RALGPS1: variants seen among roughly 807,000 people sequenced by gnomAD.
RALGPS1 encodes Ral GEF with PH domain and SH3 binding motif 1.
RALGPS1 carries 19 observed loss-of-function variants against 78.8 expected under a neutral mutation model. The ratio of observed to expected loss-of-function variants is 0.24; its 90% confidence interval spans 0.17 to 0.35. RALGPS1 has a LOEUF of 0.35. Ranked by LOEUF, RALGPS1 falls within the 10% of genes least tolerant of loss-of-function variation. RALGPS1 has a pLI of 1.00. For synonymous variants in RALGPS1, 228 were observed against 256.3 expected, an observed-to-expected ratio of 0.89 and a Z score of 1.06; for missense variants, 454 against 688.3, an observed-to-expected ratio of 0.66 and a Z score of 3.81.
At position 127,171,917 on chromosome 9, in the gene RALGPS1, C is replaced by T. The variant is rs1270889650; in HGVS notation, c.843-2798C>T. 2.0e-5 allele frequency among the ~76,000 whole-genome samples: 3 copies of T among 152,178 alleles called. No individual in the cohort carries two copies. In the East Asian group the frequency reaches 5.8e-4, roughly 29 times the overall value. ...TCCCCTTCCTTAACCTCCACTTCAC[C>T]AGCTTCCAACTTTTTGTTAGTTGTG... On this transcript the variant is annotated intron_variant, in intron 10 of 18. Transcript: ENST00000259351.
intron 6 of RALGPS1, among the ~76,000 whole-genome samples, chr9:127,051,322 C>T (rs1169559860): frequency 6.6e-6 from 1 of 152,210 alleles, no homozygotes; most frequent in African/African-American, 2.4e-5. Flanking sequence ...AATGATCCCT[C>T]CTTAATCTCT....
chr9:127,188,832 TAAA>T (rs202172226), intron 11 of RALGPS1, among the ~76,000 whole-genome samples: 15 of 87,464 alleles, frequency 1.7e-4, no homozygotes, highest in South Asian at 5.4e-4. Flanking sequence ...CCATCTCTAC[TAAA>T]AAAAAAAAAA....
intron 8 of RALGPS1, among the ~76,000 whole-genome samples, chr9:127,111,698 A>T (rs2054833548): frequency 6.6e-6 from 1 of 152,224 alleles, no homozygotes; most frequent in African/African-American, 2.4e-5. Context: ...CCGTGTTCTC[A>T]TAATCTCCTT....
chr9:127,179,526 C>T (rs1046570896), intron 11 of RALGPS1, among the ~76,000 whole-genome samples: 3 of 152,212 alleles, frequency 2.0e-5, no homozygotes, highest in Non-Finnish European at 2.9e-5. Flanking sequence ...GGCTTCAGCT[C>T]GGTGCCCTTT....
At chr9:127,096,623 C>G (rs2053171422) in intron 8 of RALGPS1, among the ~76,000 whole-genome samples, 4 of 152,290 alleles carry the variant, frequency 2.6e-5, no homozygotes, top group South Asian at 4.2e-4. Flanking sequence ...GCATTTCCAC[C>G]AAGGGCTCTT....
At chr9:126,936,102 C>T (rs2036234365) in intron 1 of RALGPS1, among the ~76,000 whole-genome samples, 1 of 152,214 alleles carries the variant, frequency 6.6e-6, no homozygotes, top group Non-Finnish European at 1.5e-5. Flanking sequence ...TTCACCTGGG[C>T]CCACCTGGAT....
intron 8 of RALGPS1, among the ~76,000 whole-genome samples, chr9:127,136,519 G>A (rs2057403553): frequency 6.6e-6 from 1 of 152,198 alleles, no homozygotes; most frequent in Non-Finnish European, 1.5e-5. Context: ...ATGGGACTGT[G>A]TGCCTTGGGA....
intron 11 of RALGPS1, among the ~76,000 whole-genome samples, chr9:127,176,081 C>T (rs999057100): frequency 6.6e-6 from 1 of 152,124 alleles, no homozygotes; most frequent in Non-Finnish European, 1.5e-5. Context: ...CTGCCTCCAG[C>T]ACCCCTGGGG....
intron 8 of RALGPS1, among the ~76,000 whole-genome samples, chr9:127,135,015 G>T (rs2057297987): frequency 6.6e-6 from 1 of 152,164 alleles, no homozygotes; most frequent in Non-Finnish European, 1.5e-5. Context: ...CATCTCTGCT[G>T]CCTGGGACAC....
intron 4 of RALGPS1, among the ~76,000 whole-genome samples, chr9:127,016,403 A>G (rs1007198827): frequency 5.3e-5 from 8 of 152,306 alleles, no homozygotes; most frequent in African/African-American, 1.2e-4. Context: ...TGGTGCTGCT[A>G]TATTTTATAG....
intron 11 of RALGPS1, chr9:127,178,439 G>C: frequency 9.5e-7 from 1 of 1,053,494 alleles, no homozygotes; most frequent in Non-Finnish European, 1.1e-6. Flanking sequence ...GGGTAGTGTT[G>C]TTATTAGCAC....
chr9:127,195,202 A>G lies in RALGPS1; in HGVS notation c.1022A>G (p.His341Arg), dbSNP rs1461363487. ...TPPVPRHRKS[H>R]SLGNNMMCQL... ...CCAGTCCCCAGACACAGGAAGAGCC[A>G]CAGCCTAGGCAACAAGTGGGTGACT... Residue 341 changes from histidine (H) to arginine (R), a missense_variant, in exon 12 of 19, where the codon CAC becomes CGC. Transcript: ENST00000259351. The G allele has an allele frequency of 6.2e-7, 1 of 1,611,000 alleles. No homozygotes were observed. The highest frequency in any genetic ancestry group is 1.7e-5 in the Admixed American group (1 of 60,032).
At chr9:127,044,040 C>G (rs968556302) in intron 5 of RALGPS1, among the ~76,000 whole-genome samples, 9 of 152,178 alleles carry the variant, frequency 5.9e-5, no homozygotes, top group African/African-American at 2.2e-4. Context: ...ATTTACCTAG[C>G]TGATCTGAAA....
chr9:127,177,934 C>T, intron 11 of RALGPS1: 3 of 1,548,998 alleles, frequency 1.9e-6, no homozygotes, highest in Non-Finnish European at 2.6e-6. Flanking sequence ...AGCCAACCTC[C>T]AGCATCAGAG....
chr9:127,198,960 A>G, intron 13 of RALGPS1, 55 bp from the exon 14 acceptor site: 1 of 1,526,708 alleles, frequency 6.6e-7, no homozygotes, highest in Non-Finnish European at 9.1e-7. Flanking sequence ...ACCCAGGAGA[A>G]CAGGCCCCTC....
In RALGPS1 at chr9:127,212,383, T is replaced by C. The variant is rs1290060145; in HGVS notation, c.1353+147T>C. ...CAGCGAGCTGAACTCTCAGGAATTA[T>C]ACCTGACACTGCCGTAAAATGAACA... is the stretch of plus-strand genomic sequence containing the variant. On this transcript the variant is annotated intron_variant, in intron 15 of 18. Transcript: ENST00000259351. The surrounding 1 kb of genome is among the most constrained non-coding windows in gnomAD (Gnocchi z 6.0). 1.5e-6 allele frequency: 1 copy of C among 679,316 alleles called. No individual in the cohort carries two copies. Among genetic ancestry groups the C allele is most frequent in the East Asian group, 2.8e-5 (1 of 36,270 alleles). 42.1% of individuals were successfully genotyped at this position (679,316 alleles called of 1,614,324 possible). A position where few individuals can be genotyped will look rare whatever the true frequency, so the allele number is the denominator to read the frequency against.
At chr9:126,936,067 G>A (rs1564275802) in intron 1 of RALGPS1, among the ~76,000 whole-genome samples, 1 of 152,220 alleles carries the variant, frequency 6.6e-6, no homozygotes, top group Non-Finnish European at 1.5e-5. Context: ...ATTCCTCTTA[G>A]GAAGACCGCA....
intron 8 of RALGPS1, among the ~76,000 whole-genome samples, chr9:127,151,782 C>G (rs1049821921): frequency 1.3e-5 from 2 of 152,036 alleles, no homozygotes; most frequent in African/African-American, 2.4e-5. Flanking sequence ...TTTCCTGGAG[C>G]CTGATAAACT....
chr9:126,998,002 G>A (rs1362204462), intron 4 of RALGPS1, among the ~76,000 whole-genome samples: 1 of 152,074 alleles, frequency 6.6e-6, no homozygotes, highest in Non-Finnish European at 1.5e-5. Context: ...TTCCTTACAT[G>A]TTATACAAAA....
Sources: gnomAD v4.1 joint callset for allele counts (sites outside exome capture counted in the v4.1 genomes callset) on GRCh38, gnomAD v4.1.1 for gene constraint, Gnocchi (gnomAD v3.1) non-coding constraint, MANE v1.5 for transcripts, NCBI Gene and HGNC (gene_info 2026-07-23, HGNC 2026-07-21) for gene names.